The following PAX5 variants were observed in gnomAD, a reference collection of about 807,000 sequenced individuals.
The protein encoded by PAX5 is paired box 5, also known as paired box protein Pax-5.
Under a neutral mutation model 43.7 loss-of-function variants are expected in PAX5, and 9 were observed. The observed-to-expected ratio is 0.21, with a 90% confidence interval of 0.12 to 0.36. The LOEUF (loss-of-function observed/expected upper bound fraction) is 0.36, where lower values mean the gene tolerates loss of function less well. PAX5 is among the 10% of genes least tolerant of loss of function. The probability of loss-of-function intolerance (pLI) is 1.00; values close to 1 mark genes in which losing one functional copy is unlikely to be tolerated. For missense variants in PAX5, 383 were observed against 532.7 expected (o/e 0.72, Z 2.77); for synonymous variants, 228 against 214.3 (o/e 1.06, Z -0.56).
intron 7 of PAX5, 155 bp downstream of exon 7, chr9:36,923,200 G>GTT (rs1830317619): frequency 1.7e-5 from 14 of 808,048 alleles, no homozygotes; most frequent in Non-Finnish European, 2.5e-5. Flanking sequence ...CTGCAACCCT[G>GTT]GCCCCAGCAC....
chr9:36,968,043 G>A (rs932727496), intron 5 of PAX5, among the ~76,000 whole-genome samples: 13 of 152,202 alleles, frequency 8.5e-5, no homozygotes, highest in African/African-American at 2.9e-4. Context: ...AATGGCCTCG[G>A]GGGTACATCA....
At chr9:36,968,046 G>T (rs1227433543) in intron 5 of PAX5, among the ~76,000 whole-genome samples, 2 of 152,218 alleles carry the variant, frequency 1.3e-5, no homozygotes, top group Non-Finnish European at 2.9e-5. Context: ...GGCCTCGGGG[G>T]TACATCATTC....
At chr9:36,881,655 G>C (rs925544248) in intron 8 of PAX5, among the ~76,000 whole-genome samples, 1 of 151,910 alleles carries the variant, frequency 6.6e-6, no homozygotes, top group African/African-American at 2.4e-5. Context: ...GAGAGAGGGC[G>C]GGGGCCGGGA....
At chr9:36,877,172 C>A (rs1316008398) in intron 8 of PAX5, among the ~76,000 whole-genome samples, 1 of 151,996 alleles carries the variant, frequency 6.6e-6, no homozygotes, top group African/African-American at 2.4e-5. Flanking sequence ...CCCGTCTCTA[C>A]AAAAAATACA....
At chr9:36,982,928 G>A (rs1455277042) in intron 5 of PAX5, among the ~76,000 whole-genome samples, 1 of 152,172 alleles carries the variant, frequency 6.6e-6, no homozygotes, top group African/African-American at 2.4e-5. Context: ...CAGATCAGAG[G>A]AGATTTGGGA....
chr9:36,998,162 C>CCCAG (rs1305153982), intron 5 of PAX5, among the ~76,000 whole-genome samples: 1 of 152,202 alleles, frequency 6.6e-6, no homozygotes, highest in Non-Finnish European at 1.5e-5. Context: ...TTTAACCAGC[C>CCCAG]CCAGCTCTTC....
At chr9:36,867,859 T>A (rs975782567) in intron 8 of PAX5, among the ~76,000 whole-genome samples, 2 of 152,224 alleles carry the variant, frequency 1.3e-5, no homozygotes, top group Non-Finnish European at 2.9e-5. Context: ...GGTCACCGCA[T>A]GGTTTTTCAT....
intron 3 of PAX5, among the ~76,000 whole-genome samples, chr9:37,006,893 A>T (rs1838445787): frequency 1.3e-5 from 2 of 152,208 alleles, no homozygotes; most frequent in African/African-American, 4.8e-5. Flanking sequence ...AGACTCATTG[A>T]GTGACTTTAG....
chr9:37,022,941 C>T (rs1839977696), intron 1 of PAX5, among the ~76,000 whole-genome samples: 1 of 152,158 alleles, frequency 6.6e-6, no homozygotes, highest in South Asian at 2.1e-4. Flanking sequence ...ACAATCCTAC[C>T]CAATAGAGCT....
At chr9:36,879,161 G>A (rs528760153) in intron 8 of PAX5, among the ~76,000 whole-genome samples, 1 of 152,264 alleles carries the variant, frequency 6.6e-6, no homozygotes, top group South Asian at 2.1e-4. Context: ...GCCAGGCTTG[G>A]TGAAGCTGTG....
At chr9:37,027,428 CG>C (rs923667426) in intron 1 of PAX5, among the ~76,000 whole-genome samples, 19 of 152,256 alleles carry the variant, frequency 1.2e-4, no homozygotes, top group Non-Finnish European at 2.5e-4. Context: ...CGAGCCCCGC[CG>C]CCCTCCCTCG....
At chr9:36,883,212 G>A (rs1826605419) in intron 7 of PAX5, among the ~76,000 whole-genome samples, 1 of 152,062 alleles carries the variant, frequency 6.6e-6, no homozygotes, top group African/African-American at 2.4e-5. Flanking sequence ...TTGCTCTCAG[G>A]GTCATTTCTG....
chr9:36,846,835 G>A lies in PAX5; in HGVS notation c.1099+8C>T, dbSNP rs1431376504. On this transcript the variant is annotated splice_region_variant and intron_variant, in intron 9 of 9. Transcript: ENST00000358127. ...CAAGGGCCCCGCAGGGCCTCCGCCA[G>A]TACTCACCAAGCAGCCCCGGGTTGG... 1 of 1,611,090 alleles carries A rather than the reference G, an allele frequency of 6.2e-7. No homozygotes were observed. Among genetic ancestry groups the A allele is most frequent in the Non-Finnish European group, 8.5e-7 (1 of 1,177,298 alleles).
intron 5 of PAX5, among the ~76,000 whole-genome samples, chr9:36,989,517 T>G (rs1261277092): frequency 6.6e-6 from 1 of 152,240 alleles, no homozygotes; most frequent in Non-Finnish European, 1.5e-5. Flanking sequence ...CAGTAAATGT[T>G]AGCCGTTATA....
chr9:36,924,734 TGGAAGGAAGGAAGGAA>T (rs772116401), intron 6 of PAX5, among the ~76,000 whole-genome samples: 3 of 61,302 alleles, frequency 4.9e-5, no homozygotes, highest in Non-Finnish European at 8.3e-5. Flanking sequence ...AAGAAAGAGG[TGGAAGGAAGGAAGGAA>T]GGAAGGAAGG....
intron 1 of PAX5, among the ~76,000 whole-genome samples, chr9:37,030,275 GA>G (rs1396627719): frequency 2.0e-5 from 3 of 152,166 alleles, no homozygotes; most frequent in Non-Finnish European, 2.9e-5. Flanking sequence ...CGGCCTCTGG[GA>G]AGTTCCAACC....
intron 5 of PAX5, among the ~76,000 whole-genome samples, chr9:36,980,545 G>A (rs1371671027): frequency 2.6e-5 from 4 of 152,188 alleles, no homozygotes; most frequent in Admixed American, 6.5e-5. Flanking sequence ...AGATTCCCCA[G>A]TCTCTGTTCC....
At chr9:36,864,753 G>A (rs1473577656) in intron 8 of PAX5, among the ~76,000 whole-genome samples, 2 of 152,254 alleles carry the variant, frequency 1.3e-5, no homozygotes, top group South Asian at 4.1e-4. Flanking sequence ...CGCTGACGGA[G>A]GGAGGGAGGC....
rs868130276 is a variant in PAX5 at position 36,837,748 on chromosome 9, C to A, written c.*2812G>T. 37 of 233,244 alleles carry A rather than the reference C, an allele frequency of 1.6e-4. No individual in the cohort carries two copies. The highest frequency in any genetic ancestry group is 1.2e-3 in the Middle Eastern group (1 of 808). 14.4% of individuals were successfully genotyped at this position (233,244 alleles called of 1,614,324 possible). A position where few individuals can be genotyped will look rare whatever the true frequency, so the allele number is the denominator to read the frequency against. On this transcript the variant is annotated 3_prime_UTR_variant, in exon 10 of 10. Transcript: ENST00000358127. The stretch of plus-strand genomic sequence containing the variant: ...CACAAATACAAAACCAATCTGAGGA[C>A]CAGCAAAGCCTCAGGTGAGGGAGGA...
Sources: allele counts gnomAD v4.1 joint callset (sites outside exome capture counted in the v4.1 genomes callset), GRCh38; gene constraint gnomAD v4.1.1; transcripts MANE v1.5; gene names NCBI Gene and HGNC (gene_info 2026-07-23, HGNC 2026-07-21).